Variants in OPCML observed in about 807,000 individuals in gnomAD.
The protein encoded by OPCML is opioid-binding protein/cell adhesion molecule.
Under a neutral mutation model 37.8 loss-of-function variants are expected in OPCML, and 13 were observed. That is an observed-to-expected ratio of 0.34 (90% CI 0.22 to 0.55). The LOEUF is 0.55. OPCML is among the 20% of genes least tolerant of loss of function. The pLI, the probability that OPCML is intolerant of heterozygous loss-of-function variation, is 0.91. For missense variants in OPCML, 341 were observed against 435.6 expected (o/e 0.78, Z 1.93); for synonymous variants, 176 against 168.8 (o/e 1.04, Z -0.33).
At chr11:133,239,689 C>T (rs1157357467) in intron 1 of OPCML, among the ~76,000 whole-genome samples, 1 of 152,198 alleles carries the variant, frequency 6.6e-6, no homozygotes, top group African/African-American at 2.4e-5. Context: ...GGAGAAACTC[C>T]TTCGCGCTAA....
At chr11:133,331,255 C>T (rs1016719846) in intron 1 of OPCML, among the ~76,000 whole-genome samples, 1 of 152,166 alleles carries the variant, frequency 6.6e-6, no homozygotes, top group Non-Finnish European at 1.5e-5. Flanking sequence ...TGGTAAGTTG[C>T]AAAAGGAGGA....
At chr11:132,575,818 T>G (rs2096449122) in intron 3 of OPCML, among the ~76,000 whole-genome samples, 1 of 152,108 alleles carries the variant, frequency 6.6e-6, no homozygotes, top group African/African-American at 2.4e-5. Context: ...ATTTCTTATG[T>G]GACAGGTTTA....
At chr11:133,429,700 TC>T (rs1813764394) in intron 1 of OPCML, among the ~76,000 whole-genome samples, 2 of 152,136 alleles carry the variant, frequency 1.3e-5, no homozygotes, top group South Asian at 4.1e-4. Context: ...CAAGAGTGAC[TC>T]CTAAATGTTT....
intron 2 of OPCML, among the ~76,000 whole-genome samples, chr11:132,731,978 T>C (rs530438830): frequency 2.1e-4 from 32 of 151,958 alleles, no homozygotes; most frequent in Non-Finnish European, 4.3e-4. Context: ...ACTAAGAGAA[T>C]GGATTTGAGT....
At chr11:132,878,256 A>G (rs763320803) in intron 2 of OPCML, among the ~76,000 whole-genome samples, 2 of 152,132 alleles carry the variant, frequency 1.3e-5, no homozygotes, top group Non-Finnish European at 2.9e-5. Context: ...TTGTATGTCA[A>G]TTTGATTGTG....
intron 1 of OPCML, among the ~76,000 whole-genome samples, chr11:133,372,921 T>C (rs1273234426): frequency 6.6e-6 from 1 of 152,224 alleles, no homozygotes; most frequent in African/African-American, 2.4e-5. Context: ...ACATAGGCAT[T>C]TGAGTTGAAA....
chr11:133,169,155 T>A (rs1352509495), intron 1 of OPCML, among the ~76,000 whole-genome samples: 1 of 152,054 alleles, frequency 6.6e-6, no homozygotes, highest in Non-Finnish European at 1.5e-5. Context: ...AATAAAAATT[T>A]AAAAAGTAAC....
At chr11:132,990,561 A>C (rs1420894473) in intron 1 of OPCML, among the ~76,000 whole-genome samples, 1 of 152,200 alleles carries the variant, frequency 6.6e-6, no homozygotes, top group Non-Finnish European at 1.5e-5. Context: ...AAGACTTTAC[A>C]TTGGTCACCT....
chr11:132,540,182 A>G (rs1165172534), intron 3 of OPCML, among the ~76,000 whole-genome samples: 2 of 152,172 alleles, frequency 1.3e-5, no homozygotes, highest in Non-Finnish European at 2.9e-5. Context: ...ATTTGGGAGT[A>G]AAATAAACAG....
intron 3 of OPCML, among the ~76,000 whole-genome samples, chr11:132,623,078 G>C (rs912304631): frequency 6.6e-6 from 1 of 152,176 alleles, no homozygotes; most frequent in Non-Finnish European, 1.5e-5. Flanking sequence ...GAGGATGTTG[G>C]AAGCCTCAGG....
At chr11:132,826,887 G>A (rs570986334) in intron 2 of OPCML, among the ~76,000 whole-genome samples, 1 of 152,284 alleles carries the variant, frequency 6.6e-6, no homozygotes, top group East Asian at 1.9e-4. Flanking sequence ...GTGTCCATAA[G>A]TAGCCTTTAC....
intron 2 of OPCML, among the ~76,000 whole-genome samples, chr11:132,665,201 C>A (rs1181071004): frequency 6.6e-6 from 1 of 152,170 alleles, no homozygotes; most frequent in Non-Finnish European, 1.5e-5. Context: ...AGTGGAAACA[C>A]AACCAAGGGA....
intron 2 of OPCML, among the ~76,000 whole-genome samples, chr11:132,713,660 T>C (rs1371498502): frequency 6.6e-6 from 1 of 152,180 alleles, no homozygotes; most frequent in East Asian, 1.9e-4. Context: ...AAATCTGGAG[T>C]TGGCCCAAGA....
At chr11:133,305,612 C>T (rs73600485) in intron 1 of OPCML, among the ~76,000 whole-genome samples, 7,383 of 152,284 alleles carry the variant, frequency 0.048, 203 homozygotes, top group Middle Eastern at 0.071. Context: ...ACCCTTTTCT[C>T]TCATATTTCC....
chr11:133,374,324 G>A (rs1944749129), intron 1 of OPCML, among the ~76,000 whole-genome samples: 1 of 152,214 alleles, frequency 6.6e-6, no homozygotes, highest in South Asian at 2.1e-4. Context: ...CTGCCTGGGT[G>A]TGAAGGAATG....
At chr11:132,690,230 A>C (rs1943343004) in intron 2 of OPCML, among the ~76,000 whole-genome samples, 1 of 152,136 alleles carries the variant, frequency 6.6e-6, no homozygotes, top group African/African-American at 2.4e-5. Context: ...GCCCATCACC[A>C]TGCCTGGCCA....
chr11:133,441,709 A>C (rs141472767), intron 1 of OPCML, among the ~76,000 whole-genome samples: 1 of 152,150 alleles, frequency 6.6e-6, no homozygotes, highest in Non-Finnish European at 1.5e-5. Flanking sequence ...GATTTGATGA[A>C]AGAAGAATTA....
intron 2 of OPCML, among the ~76,000 whole-genome samples, chr11:132,869,600 C>T (rs919495496): frequency 2.0e-5 from 3 of 152,154 alleles, no homozygotes; most frequent in African/African-American, 4.8e-5. Context: ...AAGATGAGCT[C>T]CTCAAGAAGA....
chr11:133,328,157 A>ATT (rs533894891), intron 1 of OPCML, among the ~76,000 whole-genome samples: 3,469 of 138,252 alleles, frequency 0.025, 169 homozygotes, highest in African/African-American at 0.084. Flanking sequence ...GTGTGTTTTA[A>ATT]TTTTTTTTTT....
Sources: gnomAD v4.1 joint callset for allele counts (sites outside exome capture counted in the v4.1 genomes callset) on GRCh38, gnomAD v4.1.1 for gene constraint, MANE v1.5 for transcripts, NCBI Gene and HGNC (gene_info 2026-07-23, HGNC 2026-07-21) for gene names.